The following LRRTM4 variants were observed in gnomAD, a reference collection of about 807,000 sequenced individuals.
LRRTM4 encodes leucine rich repeat transmembrane neuronal 4.
LRRTM4 carries 25 observed loss-of-function variants against 47.6 expected under a neutral mutation model. The observed-to-expected ratio is 0.53, with a 90% CI of 0.38 to 0.73. LRRTM4 has a LOEUF of 0.73. Ranked by LOEUF, LRRTM4 falls within the 30% of genes least tolerant of loss-of-function variation. The pLI is 0.00. For missense variants in LRRTM4, 638 were observed against 713.4 expected, an observed-to-expected ratio of 0.89 and a Z score of 1.20; for synonymous variants, 311 against 269.5, an observed-to-expected ratio of 1.15 and a Z score of -1.51.
chr2:77,040,235 G>A (rs1016099974), intron 3 of LRRTM4, among the ~76,000 whole-genome samples: 1 of 151,022 alleles, frequency 6.6e-6, no homozygotes, highest in African/African-American at 2.4e-5. Flanking sequence ...CACATATATT[G>A]AACCTCCTTA....
chr2:77,114,903 G>A (rs554206074), intron 3 of LRRTM4, among the ~76,000 whole-genome samples: 145 of 152,214 alleles, frequency 9.5e-4, no homozygotes, highest in Non-Finnish European at 1.5e-3. Flanking sequence ...TCTATGTCCC[G>A]CTGTGCATGC....
chr2:77,012,431 C>T (rs10167876), intron 3 of LRRTM4, among the ~76,000 whole-genome samples: 9,729 of 152,072 alleles, frequency 0.064, 961 homozygotes, highest in African/African-American at 0.21. Flanking sequence ...TCCTCCCTTC[C>T]ACTTTTCATC....
rs745919896 is a variant in LRRTM4 at position 77,186,446 on chromosome 2, TTTTG to T, written c.1551+331868_1551+331871del. Among the ~76,000 whole-genome samples the T allele has an allele frequency of 1.1e-3, 164 of 152,294 alleles. 1 individual carries two copies. The highest frequency in any genetic ancestry group is 3.5e-4 in the Non-Finnish European group (24 of 68,018). ...GCTCCTGGGTAGTGGGATTTGTGTC[TTTTG>T]TTTGTTTCATTCATTACCTTATATA... On this transcript the variant is annotated intron_variant, in intron 3 of 3. Transcript: ENST00000409884.
chr2:77,246,584 A>C (rs943006907), intron 3 of LRRTM4, among the ~76,000 whole-genome samples: 1 of 152,126 alleles, frequency 6.6e-6, no homozygotes, highest in Non-Finnish European at 1.5e-5. Context: ...CAGATACAGA[A>C]CATTTGCATC....
At chr2:76,994,427 C>A (rs1413515968) in intron 3 of LRRTM4, among the ~76,000 whole-genome samples, 11 of 151,872 alleles carry the variant, frequency 7.2e-5, no homozygotes, top group Non-Finnish European at 1.6e-4. Context: ...TTTGCATTTC[C>A]TTAGTAGGAT....
chr2:76,826,770 G>T (rs74359712), intron 3 of LRRTM4, among the ~76,000 whole-genome samples: 11,717 of 151,914 alleles, frequency 0.077, 485 homozygotes, highest in Middle Eastern at 0.14. Context: ...GTACTATACA[G>T]CAGAGTGTAC....
chr2:77,170,952 T>TATTATATGTATG (rs2103833444), intron 3 of LRRTM4, among the ~76,000 whole-genome samples: 1 of 15,218 alleles, frequency 6.6e-5, no homozygotes, highest in East Asian at 1.6e-3. Flanking sequence ...GTATTATATG[T>TATTATATGTATG]ATTATATGTA....
chr2:76,956,428 A>G (rs1224376360), intron 3 of LRRTM4, among the ~76,000 whole-genome samples: 3 of 151,640 alleles, frequency 2.0e-5, no homozygotes, highest in Non-Finnish European at 4.4e-5. Flanking sequence ...AATAAAGCAC[A>G]ACAGACCAAA....
chr2:76,960,253 G>A (rs1573371118), intron 3 of LRRTM4, among the ~76,000 whole-genome samples: 1 of 151,518 alleles, frequency 6.6e-6, no homozygotes, highest in Non-Finnish European at 1.5e-5. Context: ...GTATCAGCTA[G>A]TTATAACAAT....
rs190391278 is a variant in LRRTM4 at position 77,376,642 on chromosome 2, C to T, written c.1551+141676G>A. Among the ~76,000 whole-genome samples the T allele has an allele frequency of 5.3e-5, 8 of 151,796 alleles. No individual in the cohort carries two copies. In the East Asian group the frequency reaches 5.8e-4, roughly 11 times the overall value. ...CTCTCTTACACTTTTCTCATGATTACGCTGAGGTTATGGGTTTTGTAAGAG... is the reference window on the plus strand; with the variant it reads ...CTCTCTTACACTTTTCTCATGATTATGCTGAGGTTATGGGTTTTGTAAGAG... On this transcript the variant is annotated intron_variant, in intron 3 of 3. Coordinates refer to ENST00000409884, the MANE Select transcript of LRRTM4 (RefSeq NM_001134745.3).
intron 3 of LRRTM4, among the ~76,000 whole-genome samples, chr2:76,815,364 G>C (rs1412450896): frequency 1.3e-5 from 2 of 152,002 alleles, no homozygotes; most frequent in Non-Finnish European, 2.9e-5. Context: ...TGCCAGAAGC[G>C]AGATATTCAA....
At chr2:77,126,285 G>A (rs771080105) in intron 3 of LRRTM4, among the ~76,000 whole-genome samples, 69 of 151,812 alleles carry the variant, frequency 4.5e-4, no homozygotes, top group Non-Finnish European at 8.4e-4. Flanking sequence ...ACCAAAAATT[G>A]GAGAAAGTTA....
chr2:77,232,283 T>C (rs1301147803), intron 3 of LRRTM4, among the ~76,000 whole-genome samples: 1 of 152,242 alleles, frequency 6.6e-6, no homozygotes, highest in African/African-American at 2.4e-5. Context: ...ATTCCTTTAT[T>C]ATTTAATTTT....
intron 3 of LRRTM4, among the ~76,000 whole-genome samples, chr2:77,508,763 T>G (rs531602305): frequency 6.6e-6 from 1 of 152,166 alleles, no homozygotes; most frequent in African/African-American, 2.4e-5. Context: ...CCAATATAAA[T>G]ACTTATACAC....
At chr2:77,014,196 C>G (rs948544500) in intron 3 of LRRTM4, among the ~76,000 whole-genome samples, 1 of 152,006 alleles carries the variant, frequency 6.6e-6, no homozygotes, top group African/African-American at 2.4e-5. Context: ...CAAAGGCAAA[C>G]AAGGCTGAGA....
intron 3 of LRRTM4, among the ~76,000 whole-genome samples, chr2:76,804,737 T>A (rs1204764677): frequency 2.8e-5 from 4 of 144,046 alleles, no homozygotes; most frequent in Non-Finnish European, 4.6e-5. Flanking sequence ...ATATCATGTT[T>A]TATATATATA....
At chr2:76,989,201 A>C (rs941243057) in intron 3 of LRRTM4, among the ~76,000 whole-genome samples, 1 of 151,776 alleles carries the variant, frequency 6.6e-6, no homozygotes, top group Non-Finnish European at 1.5e-5. Flanking sequence ...CCTGTCCCTG[A>C]ATAAAGTGAC....
intron 3 of LRRTM4, among the ~76,000 whole-genome samples, chr2:77,497,089 G>A (rs1678391918): frequency 2.6e-5 from 4 of 151,580 alleles, no homozygotes; most frequent in African/African-American, 4.8e-5. Context: ...GCAAAAAGAT[G>A]TTTATTATAT....
At position 77,032,233 on chromosome 2, in the gene LRRTM4, T is replaced by TA. The variant is rs1332100017; in HGVS notation, c.1552-283318_1552-283317insT. On this transcript the variant is annotated intron_variant, in intron 3 of 3. Coordinates refer to ENST00000409884, the MANE Select transcript of LRRTM4 (RefSeq NM_001134745.3). Reference sequence around the variant, plus strand: ...TTACCATTCCCTTCTTCTGAAGCAATTCCCTCAAGTTGTTACGTAGGTAAC... The same window carrying TA: ...TTACCATTCCCTTCTTCTGAAGCAATATCCCTCAAGTTGTTACGTAGGTAAC... Among the ~76,000 whole-genome samples, 11 of 152,256 alleles carry TA rather than the reference T, an allele frequency of 7.2e-5. No homozygotes were observed. In the South Asian group the frequency reaches 2.3e-3, roughly 32 times the overall value.
Sources: gnomAD v4.1 joint callset for allele counts (sites outside exome capture counted in the v4.1 genomes callset) on GRCh38, gnomAD v4.1.1 for gene constraint, MANE v1.5 for transcripts, NCBI Gene and HGNC (gene_info 2026-07-23, HGNC 2026-07-21) for gene names.